The following ZC3H12B variants were observed in gnomAD, a reference collection of about 807,000 sequenced individuals.
ZC3H12B encodes the protein probable ribonuclease ZC3H12B.
Under a neutral mutation model 43.9 loss-of-function variants are expected in ZC3H12B, and 7 were observed. The observed-to-expected ratio is 0.16, with a 90% CI of 0.09 to 0.30. The LOEUF is 0.30. Among genes scored for constraint, ZC3H12B ranks in the 10% least tolerant of loss-of-function variants. ZC3H12B has a pLI of 1.00. For missense variants in ZC3H12B, 475 were observed against 670.2 expected, an observed-to-expected ratio of 0.71 and a Z score of 3.22; for synonymous variants, 222 against 241.7, an observed-to-expected ratio of 0.92 and a Z score of 0.76.
intron 3 of ZC3H12B, among the ~76,000 whole-genome samples, chrX:65,445,883 T>A (rs1449410312): frequency 8.9e-6 from 1 of 112,198 alleles, no homozygotes; most frequent in East Asian, 2.8e-4. Context: ...AAGTGCTTTT[T>A]ACTCTTTCCT....
chrX:65,497,250 C>T, exon 2 of ZC3H12B: 1 of 1,208,278 alleles, frequency 8.3e-7, no homozygotes, highest in East Asian at 3.0e-5. Context: ...GGAGCAATCC[C>T]GCCCTGATGC....
the ZC3H12B span, among the ~76,000 whole-genome samples, chrX:65,228,659 T>C: frequency 4.5e-5 from 5 of 112,199 alleles, no homozygotes; most frequent in Non-Finnish European, 9.4e-5. Context: ...CAAAATCTGC[T>C]TAAGCTGATA....
At chrX:65,237,530 G>C in the ZC3H12B span, among the ~76,000 whole-genome samples, 1 of 105,199 alleles carries the variant, frequency 9.5e-6, no homozygotes, top group Non-Finnish European at 1.9e-5. Flanking sequence ...TTGACTTCCT[G>C]TTTTTCTAGT....
chrX:65,180,579 A>T, the ZC3H12B span, among the ~76,000 whole-genome samples: 1 of 111,754 alleles, frequency 8.9e-6, no homozygotes, highest in African/African-American at 3.2e-5. Context: ...CAGGATACAG[A>T]ATCAATGTGC....
intron 3 of ZC3H12B, among the ~76,000 whole-genome samples, chrX:65,472,178 T>C (rs1428635714): frequency 2.7e-5 from 3 of 112,006 alleles, no homozygotes; most frequent in Non-Finnish European, 5.6e-5. Flanking sequence ...GCTGAGTATA[T>C]GTGTTATCTG....
At chrX:65,331,210 C>T in the ZC3H12B span, 1 of 141,502 alleles carries the variant, frequency 7.1e-6, no homozygotes, top group Admixed American at 8.1e-5. Flanking sequence ...GGAGTTTAGG[C>T]TTTGGCTCCT....
chrX:65,043,156 A>G, the ZC3H12B span, among the ~76,000 whole-genome samples: 2 of 111,464 alleles, frequency 1.8e-5, no homozygotes, highest in East Asian at 5.6e-4. Flanking sequence ...TATGGTTATT[A>G]GGCCCCAACC....
At chrX:65,194,115 C>G in the ZC3H12B span, among the ~76,000 whole-genome samples, 3 of 109,838 alleles carry the variant, frequency 2.7e-5, no homozygotes, top group Non-Finnish European at 5.7e-5. Context: ...AGGCCCCAAC[C>G]TCCAACACTG....
the ZC3H12B span, among the ~76,000 whole-genome samples, chrX:65,148,804 G>C: frequency 9.0e-6 from 1 of 111,703 alleles, no homozygotes; most frequent in Non-Finnish European, 1.9e-5. Flanking sequence ...TTTAGTTCTT[G>C]TGAAGATGTT....
At chrX:65,261,003 T>C in the ZC3H12B span, among the ~76,000 whole-genome samples, 1 of 112,189 alleles carries the variant, frequency 8.9e-6, no homozygotes, top group Non-Finnish European at 1.9e-5. Flanking sequence ...CATTCAGTAA[T>C]ATTTTCTTTC....
the ZC3H12B span, among the ~76,000 whole-genome samples, chrX:65,149,462 C>G: frequency 1.8e-3 from 198 of 111,531 alleles, 1 homozygote; most frequent in African/African-American, 6.1e-3. Context: ...GATAAAAGCA[C>G]TTTTAAAAGT....
Position 65,499,877 on chromosome X carries a change from T to C in ZC3H12B, c.984-6T>C, listed in dbSNP as rs2068342072. ...AGACAGTCACCTCTTGCTTACTTGCTTTCAGATTTATGCCTCCAGATGATC... is the reference window on the plus strand; with the variant it reads ...AGACAGTCACCTCTTGCTTACTTGCCTTCAGATTTATGCCTCCAGATGATC... On this transcript the variant is annotated splice_region_variant and splice_polypyrimidine_tract_variant and intron_variant, in intron 3 of 4. Coordinates refer to ENST00000338957, the Ensembl canonical transcript of ZC3H12B. 2.5e-6 allele frequency: 3 copies of C among 1,205,680 alleles called. No homozygotes were observed. In the East Asian group the frequency reaches 8.9e-5, roughly 36 times the overall value.
chrX:65,104,097 G>T, the ZC3H12B span, among the ~76,000 whole-genome samples: 1 of 110,718 alleles, frequency 9.0e-6, no homozygotes, highest in Non-Finnish European at 1.9e-5. Flanking sequence ...CAGAACAGAG[G>T]CCTCAGAAAT....
At chrX:65,312,532 C>A in the ZC3H12B span, among the ~76,000 whole-genome samples, 3 of 110,631 alleles carry the variant, frequency 2.7e-5, no homozygotes, top group African/African-American at 1.0e-4. Context: ...AAAAAATGGG[C>A]CCCTCTTGTG....
chrX:65,265,151 C>A, the ZC3H12B span, among the ~76,000 whole-genome samples: 1 of 111,838 alleles, frequency 8.9e-6, no homozygotes, highest in East Asian at 2.8e-4. Flanking sequence ...TATCTTCTGA[C>A]GTAAGTAATA....
chrX:65,195,078 T>C, the ZC3H12B span, among the ~76,000 whole-genome samples: 1 of 105,845 alleles, frequency 9.4e-6, no homozygotes, highest in Non-Finnish European at 1.9e-5. Context: ...TTTGTTGTAG[T>C]GAACAGATCA....
the ZC3H12B span, among the ~76,000 whole-genome samples, chrX:65,180,793 G>A: frequency 9.0e-6 from 1 of 111,097 alleles, no homozygotes; most frequent in Non-Finnish European, 1.9e-5. Context: ...AAAAATTTAG[G>A]AAGAATCAAG....
At chrX:65,272,887 A>T in the ZC3H12B span, 1 of 112,396 alleles carries the variant, frequency 8.9e-6, no homozygotes, top group African/African-American at 3.2e-5. Flanking sequence ...TGTAGGCATT[A>T]CTGTCCAAAA....
At chrX:65,370,972 AG>A (rs886504541) in intron 2 of ZC3H12B, among the ~76,000 whole-genome samples, 5 of 111,966 alleles carry the variant, frequency 4.5e-5, no homozygotes, top group African/African-American at 1.3e-4. Flanking sequence ...ACCTAAAAAA[AG>A]TTTATTTTTC....
Sources: allele counts gnomAD v4.1 joint callset (sites outside exome capture counted in the v4.1 genomes callset), GRCh38; gene constraint gnomAD v4.1.1; transcripts MANE v1.5; gene names NCBI Gene and HGNC (gene_info 2026-07-23, HGNC 2026-07-21).